PAXIP1: variants seen among roughly 807,000 people sequenced by gnomAD.
PAXIP1 encodes the protein PAX-interacting protein 1.
Under a neutral mutation model 140.6 loss-of-function variants are expected in PAXIP1, and 19 were observed. The ratio of observed to expected loss-of-function variants is 0.14; its 90% confidence interval spans 0.09 to 0.20. The LOEUF (loss-of-function observed/expected upper bound fraction) is 0.20, where lower values mean the gene tolerates loss of function less well. Among genes scored for constraint, PAXIP1 ranks in the 10% least tolerant of loss-of-function variants. The probability of loss-of-function intolerance (pLI) is 1.00; values close to 1 mark genes in which losing one functional copy is unlikely to be tolerated. For synonymous variants in PAXIP1, 442 were observed against 444.6 expected (o/e 0.99, Z 0.07); for missense variants, 920 against 1,208.6 (o/e 0.76, Z 3.54).
chr7:154,970,008 C>A (rs985307311), intron 6 of PAXIP1, among the ~76,000 whole-genome samples: 1 of 152,144 alleles, frequency 6.6e-6, no homozygotes, highest in Non-Finnish European at 1.5e-5. Flanking sequence ...GTTCTGTGTA[C>A]GCTGAGGAGT....
At chr7:154,984,998 C>T (rs972972249) in intron 4 of PAXIP1, among the ~76,000 whole-genome samples, 1 of 152,110 alleles carries the variant, frequency 6.6e-6, no homozygotes, top group Non-Finnish European at 1.5e-5. Context: ...ATTAATACGA[C>T]GCCTCCAATA....
rs763089645 is a variant in PAXIP1 at position 155,002,880 on chromosome 7, T to C, written c.50A>G (p.Lys17Arg). ...KVPEEMFREV[K>R]YYAVGDIDPQ... ...GTCGATGTCGCCCACCGCGTAATAC[T>C]TGACCTCCCTGAACATCTCCTCAGG... The change falls in exon 1 of 21, where the codon AAG (lysine) becomes AGG (arginine). Residue 17 changes from lysine to arginine, a missense_variant. By Grantham distance (26) the Lys-to-Arg change is conservative (BLOSUM62 2). Transcript: ENST00000404141. The C allele has an allele frequency of 4.2e-6, 6 of 1,416,212 alleles. No homozygotes were observed. Among genetic ancestry groups the C allele is most frequent in the Middle Eastern group, 2.1e-4 (1 of 4,788 alleles). The allele number at this position is 1,416,212 out of a possible 1,614,324, so 87.7% of individuals were successfully genotyped here.
intron 5 of PAXIP1, among the ~76,000 whole-genome samples, chr7:154,981,601 C>G (rs562784967): frequency 4.6e-5 from 7 of 152,164 alleles, no homozygotes; most frequent in Non-Finnish European, 8.8e-5. Context: ...TTAGTATCAA[C>G]TTTTAAAATA....
At chr7:154,991,315 G>T (rs1810319801) in intron 3 of PAXIP1, among the ~76,000 whole-genome samples, 1 of 152,186 alleles carries the variant, frequency 6.6e-6, no homozygotes, top group African/African-American at 2.4e-5. Context: ...AAATCAAATA[G>T]GCAAAGTATA....
At chr7:154,977,907 T>G (rs1285965884) in intron 5 of PAXIP1, among the ~76,000 whole-genome samples, 2 of 151,274 alleles carry the variant, frequency 1.3e-5, no homozygotes, top group Non-Finnish European at 2.9e-5. Flanking sequence ...TAATGTACAT[T>G]TTCGAACACA....
intron 17 of PAXIP1, chr7:154,947,656 T>A (rs1808055735): frequency 2.4e-6 from 1 of 412,722 alleles, no homozygotes; most frequent in Non-Finnish European, 4.4e-6. Flanking sequence ...CATAGATGTA[T>A]TTATTAAATT....
Position 154,968,533 on chromosome 7 carries a change from G to A in PAXIP1, c.1668C>T (p.His556=), listed in dbSNP as rs759033816. Residue 556 remains histidine (H), a synonymous_variant, in exon 7 of 21, where the codon CAC becomes CAT. Transcript: ENST00000404141. ...GCAGCGCCTGTGACGTCTGACTCAA[G>A]TGTGGCGCTGTCTGACTTTGCATCT... ...QQQMQSQTAP[H]LSQTSQALQH... is the part of the protein sequence containing the mutation. 3.2e-5 allele frequency: 24 copies of A among 760,402 alleles called. No individual in the cohort carries two copies. In the South Asian group the frequency reaches 3.5e-4, roughly 11 times the overall value. The allele number at this position is 760,402 out of a possible 1,614,324, so 47.1% of individuals were successfully genotyped here. A position where few individuals can be genotyped will look rare whatever the true frequency, so the allele number is the denominator to read the frequency against.
Position 154,973,890 on chromosome 7 carries a change from GA to G in PAXIP1, c.1074+1805del, listed in dbSNP as rs1326844516. On this transcript the variant is annotated intron_variant, in intron 6 of 20. Transcript: ENST00000404141. This position sits in a 1 kb window ranked among gnomAD's most constrained non-coding sequence, Gnocchi z 4.0. ...GGACTTTGAGCTGTCATTATGAAAT[GA>G]AAGTGTCCAGAACAAGGTGAAGCGG... Among the ~76,000 whole-genome samples the G allele has an allele frequency of 4.6e-5, 7 of 152,278 alleles. No homozygotes were observed. In the South Asian group the frequency reaches 6.2e-4, roughly 14 times the overall value.
chr7:154,973,725 CATT>C lies in PAXIP1; in HGVS notation c.1074+1968_1074+1970del, dbSNP rs1477998738. Among the ~76,000 whole-genome samples, 1 of 152,202 alleles carries C rather than the reference CATT, an allele frequency of 6.6e-6. No homozygotes were observed. The highest frequency in any genetic ancestry group is 1.5e-5 in the Non-Finnish European group (1 of 68,036). On this transcript the variant is annotated intron_variant, in intron 6 of 20. Coordinates refer to ENST00000404141, the MANE Select transcript of PAXIP1 (RefSeq NM_007349.4). The surrounding 1 kb of genome is among the most constrained non-coding windows in gnomAD (Gnocchi z 4.0). ...CTATTATCATACCCAATAAAATGAT[CATT>C]GTCAACATCACCTTATACCTACGCC...
intron 7 of PAXIP1, 151 bp downstream of exon 7, chr7:154,968,252 A>T: frequency 1.5e-6 from 1 of 660,656 alleles, no homozygotes; most frequent in Non-Finnish European, 2.6e-6. Context: ...ATCCCATGGT[A>T]ACTATATTCT....
Position 154,954,022 on chromosome 7 carries a change from A to C in PAXIP1, c.2821+233T>G, listed in dbSNP as rs1215770121. On this transcript the variant is annotated intron_variant, in intron 16 of 20. Transcript: ENST00000404141. This position sits in a 1 kb window ranked among gnomAD's most constrained non-coding sequence, Gnocchi z 5.1. ...CAAGAAAATAAAAAGAGGGATATAG[A>C]GGTTGTTTTCCCCCTAATATTGTCC... Among the ~76,000 whole-genome samples the C allele has an allele frequency of 6.6e-6, 1 of 152,202 alleles. No individual in the cohort carries two copies. Among genetic ancestry groups the C allele is most frequent in the Non-Finnish European group, 1.5e-5 (1 of 68,034 alleles).
At chr7:154,949,374 G>T (rs1056793923) in intron 16 of PAXIP1, 5 of 152,256 alleles carry the variant, frequency 3.3e-5, no homozygotes, top group Admixed American at 1.3e-4. Context: ...TTCACCAACG[G>T]CCAGAAATAC....
chr7:154,972,773 G>T (rs537852611), intron 6 of PAXIP1, among the ~76,000 whole-genome samples: 1 of 152,346 alleles, frequency 6.6e-6, no homozygotes, highest in South Asian at 2.1e-4. Context: ...CTGCGTGGCC[G>T]CAGTCTTCCT....
chr7:154,968,734 C>T lies in PAXIP1; in HGVS notation c.1467G>A (p.Gln489=). ...GCAGGGCATGCTGCTGCTGAAAGGG[C>T]TGGAGCTGCTGCTGAGGGCGATGCA... ...QQLHRPQQQL[Q]PFQQQHALQQ... Residue 489 remains glutamine, a synonymous_variant, in exon 7 of 21, where the codon CAG becomes CAA. Coordinates refer to ENST00000404141, the MANE Select transcript of PAXIP1 (RefSeq NM_007349.4). The T allele has an allele frequency of 2.8e-6, 2 of 718,448 alleles. No individual in the cohort carries two copies. Among genetic ancestry groups the T allele is most frequent in the South Asian group, 1.5e-5 (1 of 67,584 alleles). The allele number at this position is 718,448 out of a possible 1,614,324, so 44.5% of individuals were successfully genotyped here. A position where few individuals can be genotyped will look rare whatever the true frequency, so the allele number is the denominator to read the frequency against.
chr7:154,962,333 T>C lies in PAXIP1; in HGVS notation c.2115A>G (p.Pro705=), dbSNP rs746634065. 2 of 1,613,864 alleles carry C rather than the reference T, an allele frequency of 1.2e-6. No homozygotes were observed. The highest frequency in any genetic ancestry group is 1.1e-5 in the South Asian group (1 of 91,068). ...FPVAFPPGGK[P]CSQHIISVTG... ...GACTCTGTCTTACATGCTGTGAACA[T>C]GGCTTTCCTCCTGGTGGGAAGGCCA... is the stretch of plus-strand genomic sequence containing the variant. The change falls in exon 10 of 21, where the codon CCA becomes CCG. Residue 705 remains proline (P), a synonymous_variant. Coordinates refer to ENST00000404141, the MANE Select transcript of PAXIP1 (RefSeq NM_007349.4).
chr7:154,962,386 G>C lies in PAXIP1; in HGVS notation c.2062C>G (p.Pro688Ala), dbSNP rs371102762. 1 of 1,612,876 alleles carries C rather than the reference G, an allele frequency of 6.2e-7. No homozygotes were observed. The highest frequency in any genetic ancestry group is 8.5e-7 in the Non-Finnish European group (1 of 1,179,448). Residue 688 changes from proline (P) to alanine (A), a missense_variant, in exon 10 of 21, where the codon CCG (proline) becomes GCG (alanine). Physicochemically the swap from Pro to Ala is conservative, Grantham distance 27. Around this residue, in one of 5 missense-constraint regions of PAXIP1, gnomAD observed 303 missense variants for 517.9 expected, o/e 0.59. Transcript: ENST00000404141. ...NTVLKKKKMV[P>A]PHRALHFPVA... is the part of the protein sequence containing the mutation. ...GGGAAGTGAAGGGCTCGGTGCGGCG[G>C]TACCATTTTCTTCTTCTTTAAGACT...
chr7:154,983,137 T>C, intron 5 of PAXIP1, 82 bp downstream of exon 5: 1 of 667,904 alleles, frequency 1.5e-6, no homozygotes, highest in Non-Finnish European at 2.6e-6. Flanking sequence ...ATAACTAATT[T>C]AAAAGAAGCT....
In PAXIP1 at chr7:154,947,929, G is replaced by A. The variant is rs1211359069; in HGVS notation, c.2896C>T (p.Arg966Trp). ...FSFSLEESLK[R>W]AHVSPLFKAK... is the part of the protein sequence containing the mutation. ...TTAAAGAGTGGAGAAACGTGTGCCC[G>A]TTTTAAGGATTCTTCCAAGCTGAAA... is the stretch of plus-strand genomic sequence containing the variant. The change falls in exon 17 of 21, where the codon CGG (arginine) becomes TGG (tryptophan). Residue 966 changes from arginine to tryptophan, a missense_variant. By Grantham distance (101) the Arg-to-Trp change is moderately radical. Transcript: ENST00000404141. 1.9e-6 allele frequency: 3 copies of A among 1,612,264 alleles called. No individual in the cohort carries two copies. The highest frequency in any genetic ancestry group is 1.3e-5 in the African/African-American group (1 of 74,954).
At chr7:154,962,570 G>C in intron 9 of PAXIP1, 112 bp from the exon 10 acceptor site, 1 of 875,002 alleles carries the variant, frequency 1.1e-6, no homozygotes, top group East Asian at 2.7e-5. Flanking sequence ...CCCCATAAAA[G>C]AATTTCATGA....
Sources: allele counts gnomAD v4.1 joint callset (sites outside exome capture counted in the v4.1 genomes callset), GRCh38; gene constraint gnomAD v4.1.1; regional missense constraint gnomAD v4.1.1; non-coding constraint Gnocchi (gnomAD v3.1); transcripts MANE v1.5; gene names NCBI Gene and HGNC (gene_info 2026-07-23, HGNC 2026-07-21).